CTNNA3: variants seen among roughly 807,000 people sequenced by gnomAD.
The protein encoded by CTNNA3 is catenin alpha 3.
A neutral mutation model predicts 95.7 loss-of-function variants in CTNNA3; 76 were observed. That is an observed-to-expected ratio of 0.79 (90% CI 0.66 to 0.96). The LOEUF (loss-of-function observed/expected upper bound fraction) is 0.96. Among genes scored for constraint, CTNNA3 ranks in the 40% least tolerant of loss-of-function variants. The probability of loss-of-function intolerance (pLI) is 0.00; values close to 1 mark genes in which losing one functional copy is unlikely to be tolerated. For missense variants in CTNNA3, 1,191 were observed against 1,089.8 expected, an observed-to-expected ratio of 1.09 and a Z score of -1.31; for synonymous variants, 431 against 374.4, an observed-to-expected ratio of 1.15 and a Z score of -1.74.
At chr10:65,928,610 G>A (rs1203699330) in intron 17 of CTNNA3, among the ~76,000 whole-genome samples, 2 of 152,136 alleles carry the variant, frequency 1.3e-5, no homozygotes, top group African/African-American at 4.8e-5. Context: ...ATTATTAAGT[G>A]CAGAAACCAC....
chr10:66,733,324 T>C (rs1462872608), intron 9 of CTNNA3, among the ~76,000 whole-genome samples: 2 of 152,162 alleles, frequency 1.3e-5, no homozygotes, highest in East Asian at 1.9e-4. Flanking sequence ...GTGCTAAGTT[T>C]TAATGCAAAC....
chr10:67,609,890 C>T (rs1366622468), intron 2 of CTNNA3, among the ~76,000 whole-genome samples: 2 of 152,036 alleles, frequency 1.3e-5, no homozygotes, highest in Non-Finnish European at 1.5e-5. Flanking sequence ...TTACAAGCAG[C>T]TAAATAAGAT....
intron 6 of CTNNA3, among the ~76,000 whole-genome samples, chr10:67,188,583 G>A (rs766601249): frequency 5.9e-5 from 9 of 152,076 alleles, no homozygotes; most frequent in Non-Finnish European, 8.8e-5. Flanking sequence ...AAAAACAGCT[G>A]GAGGTTCCTT....
chr10:67,458,267 C>T (rs1847245898), intron 5 of CTNNA3, among the ~76,000 whole-genome samples: 1 of 152,070 alleles, frequency 6.6e-6, no homozygotes, highest in South Asian at 2.1e-4. Context: ...AGCTTCCATA[C>T]TGTCAAGAAT....
intron 5 of CTNNA3, among the ~76,000 whole-genome samples, chr10:67,502,073 G>C (rs1839249280): frequency 6.6e-6 from 1 of 152,182 alleles, no homozygotes; most frequent in Non-Finnish European, 1.5e-5. Flanking sequence ...CAGCCTTTTT[G>C]TGCTGGTTTT....
intron 13 of CTNNA3, among the ~76,000 whole-genome samples, chr10:66,199,143 G>A (rs1442890863): frequency 6.6e-6 from 1 of 152,004 alleles, no homozygotes; most frequent in Non-Finnish European, 1.5e-5. Flanking sequence ...ATTGGCACTA[G>A]ATCCTTGGCT....
intron 13 of CTNNA3, among the ~76,000 whole-genome samples, chr10:66,135,905 T>A (rs1228884917): frequency 1.9e-5 from 2 of 104,980 alleles, no homozygotes; most frequent in African/African-American, 9.5e-5. Flanking sequence ...GTAACACAAT[T>A]TTTTTTTTTT....
intron 10 of CTNNA3, among the ~76,000 whole-genome samples, chr10:66,535,051 C>T (rs572264144): frequency 1.1e-4 from 16 of 151,896 alleles, no homozygotes; most frequent in Non-Finnish European, 1.5e-4. Flanking sequence ...TATTCACTGG[C>T]GCATGCAAAG....
intron 7 of CTNNA3, among the ~76,000 whole-genome samples, chr10:67,123,618 T>A (rs1346772812): frequency 1.1e-4 from 17 of 152,298 alleles, no homozygotes; most frequent in Non-Finnish European, 2.9e-5. Context: ...AAATTCCACC[T>A]TGAAGTAACA....
chr10:66,770,011 C>A (rs1025016661), intron 8 of CTNNA3, among the ~76,000 whole-genome samples: 2 of 152,168 alleles, frequency 1.3e-5, no homozygotes, highest in Non-Finnish European at 2.9e-5. Flanking sequence ...TGATCATGCA[C>A]CAAGTAAGAG....
chr10:66,697,552 G>A (rs572532334), intron 9 of CTNNA3, among the ~76,000 whole-genome samples: 4 of 151,902 alleles, frequency 2.6e-5, no homozygotes, highest in Non-Finnish European at 4.4e-5. Flanking sequence ...TACACCAAAG[G>A]AGTAGTTTTA....
At chr10:67,084,726 A>C (rs1281307344) in intron 7 of CTNNA3, among the ~76,000 whole-genome samples, 1 of 151,962 alleles carries the variant, frequency 6.6e-6, no homozygotes, top group Non-Finnish European at 1.5e-5. Context: ...TATTGCTATT[A>C]CTCATAAAAG....
rs573990083 is a variant in CTNNA3 at position 67,423,421 on chromosome 10, T to A, written c.579+98421A>T. On this transcript the variant is annotated intron_variant, in intron 5 of 17. Transcript: ENST00000433211. Reference sequence around the variant, plus strand: ...AATTATCAGCTAATAAAAAGAACCATGGAAGCCTAAGGTTTCAAGGAACTC... The same window carrying A: ...AATTATCAGCTAATAAAAAGAACCAAGGAAGCCTAAGGTTTCAAGGAACTC... Among the ~76,000 whole-genome samples, 152 of 152,200 alleles carry A rather than the reference T, an allele frequency of 1.0e-3. 1 individual carries two copies. Among genetic ancestry groups the A allele is most frequent in the African/African-American group, 3.4e-3 (141 of 41,544 alleles).
intron 7 of CTNNA3, among the ~76,000 whole-genome samples, chr10:67,062,517 G>A (rs1420087843): frequency 1.3e-5 from 2 of 152,138 alleles, no homozygotes; most frequent in Non-Finnish European, 2.9e-5. Context: ...GGTTGAAAGT[G>A]TGTGTGTGTC....
At chr10:67,024,358 C>T (rs1469109833) in intron 7 of CTNNA3, among the ~76,000 whole-genome samples, 2 of 152,174 alleles carry the variant, frequency 1.3e-5, no homozygotes, top group Non-Finnish European at 2.9e-5. Context: ...CTTACAAAGA[C>T]CTTTGCAGGT....
chr10:66,394,044 G>A (rs1305764246), intron 11 of CTNNA3, among the ~76,000 whole-genome samples: 1 of 151,974 alleles, frequency 6.6e-6, no homozygotes, highest in Non-Finnish European at 1.5e-5. Context: ...TATAGAAATG[G>A]TACAAAAGAT....
intron 1 of CTNNA3, among the ~76,000 whole-genome samples, chr10:67,760,454 T>C (rs1360295277): frequency 6.6e-6 from 1 of 152,190 alleles, no homozygotes; most frequent in Non-Finnish European, 1.5e-5. Flanking sequence ...CTTAATGATA[T>C]GTTCTGAAAA....
rs527425725 is a variant in CTNNA3, at chr10:67,736,269, G to A, written c.-2+27165C>T. ...AAAGTAGAAGTTACCAGAAACTAGG[G>A]GCAGGAAGGAAAGTGGGGTTACCAT... On this transcript the variant is annotated intron_variant, in intron 1 of 17. Transcript: ENST00000684154. 2.2e-4 allele frequency among the ~76,000 whole-genome samples: 34 copies of A among 152,142 alleles called. No individual in the cohort carries two copies. In the East Asian group the frequency reaches 2.7e-3, roughly 12 times the overall value.
chr10:67,105,580 A>G (rs141223820), intron 7 of CTNNA3, among the ~76,000 whole-genome samples: 6 of 152,252 alleles, frequency 3.9e-5, no homozygotes, highest in African/African-American at 1.4e-4. Flanking sequence ...CAGATCCATA[A>G]ATATAATGCC....
Sources: gnomAD v4.1 joint callset for allele counts (sites outside exome capture counted in the v4.1 genomes callset) on GRCh38, gnomAD v4.1.1 for gene constraint, MANE v1.5 for transcripts, NCBI Gene and HGNC (gene_info 2026-07-23, HGNC 2026-07-21) for gene names.